The following GRM8 variants were observed in gnomAD, a reference collection of about 807,000 sequenced individuals.
The protein encoded by GRM8 is glutamate metabotropic receptor 8, also known as metabotropic glutamate receptor 8.
Under a neutral mutation model 87.2 loss-of-function variants are expected in GRM8, and 47 were observed. The observed-to-expected ratio is 0.54, with a 90% CI of 0.43 to 0.69. The LOEUF is 0.69. Ranked by LOEUF, GRM8 falls within the 30% of genes least tolerant of loss-of-function variation. The probability of loss-of-function intolerance (pLI) is 0.00; values close to 1 mark genes in which losing one functional copy is unlikely to be tolerated. For missense variants in GRM8, 1,019 were observed against 1,139.2 expected, an observed-to-expected ratio of 0.89 and a Z score of 1.52; for synonymous variants, 396 against 404.5, an observed-to-expected ratio of 0.98 and a Z score of 0.25.
intron 7 of GRM8, among the ~76,000 whole-genome samples, chr7:126,680,316 A>G (rs569105915): frequency 8.1e-4 from 123 of 152,338 alleles, no homozygotes; most frequent in Non-Finnish European, 1.5e-3. Flanking sequence ...TCAACCTTCA[A>G]TAAGAGTGTT....
chr7:126,981,391 A>C (rs1156773429), intron 3 of GRM8: 6 of 152,178 alleles, frequency 3.9e-5, no homozygotes, highest in African/African-American at 1.4e-4. Context: ...ATTTTTAAAT[A>C]ATTTATTTCT....
chr7:127,093,150 G>A (rs1824318548), intron 3 of GRM8, among the ~76,000 whole-genome samples: 2 of 152,260 alleles, frequency 1.3e-5, no homozygotes, highest in Admixed American at 1.3e-4. Flanking sequence ...TCTGTTCATG[G>A]CATCTCACTC....
chr7:126,734,179 C>T (rs1172477047), intron 7 of GRM8, among the ~76,000 whole-genome samples: 1 of 151,816 alleles, frequency 6.6e-6, no homozygotes, highest in Non-Finnish European at 1.5e-5. Context: ...GAGTTGAATA[C>T]AAAATGTACA....
chr7:126,707,769 G>A (rs765546694), intron 7 of GRM8, among the ~76,000 whole-genome samples: 47 of 152,204 alleles, frequency 3.1e-4, no homozygotes, highest in Non-Finnish European at 6.2e-4. Flanking sequence ...AGATCTAAAT[G>A]TAAGACTTGA....
intron 2 of GRM8, among the ~76,000 whole-genome samples, chr7:127,198,878 T>C (rs1795437424): frequency 6.6e-6 from 1 of 151,114 alleles, no homozygotes; most frequent in South Asian, 2.1e-4. Context: ...TTTGCCCTTG[T>C]TGCCCAGGCT....
chr7:127,201,756 G>T (rs1186932504), intron 2 of GRM8, among the ~76,000 whole-genome samples: 11 of 152,120 alleles, frequency 7.2e-5, no homozygotes, highest in Non-Finnish European at 1.5e-4. Flanking sequence ...TCTTCTCTGT[G>T]AGTACCAATA....
chr7:126,449,501 TAGGACAAAAGA>T (rs1195453574), intron 9 of GRM8, among the ~76,000 whole-genome samples: 2 of 152,014 alleles, frequency 1.3e-5, no homozygotes, highest in East Asian at 3.9e-4. Context: ...CCCAGGAGTA[TAGGACAAAAGA>T]AGGACCTATT....
At chr7:126,469,704 C>T (rs1337237156) in intron 9 of GRM8, among the ~76,000 whole-genome samples, 1 of 152,158 alleles carries the variant, frequency 6.6e-6, no homozygotes, top group Non-Finnish European at 1.5e-5. Context: ...CCGAGGCCCT[C>T]CCAGCCATAC....
intron 7 of GRM8, among the ~76,000 whole-genome samples, chr7:126,765,167 C>T (rs1818055747): frequency 6.6e-6 from 1 of 151,860 alleles, no homozygotes. Flanking sequence ...AATAGCTAAA[C>T]CCTGGAAATG....
chr7:127,242,420 T>C (rs1018569147), intron 2 of GRM8, among the ~76,000 whole-genome samples: 1 of 151,788 alleles, frequency 6.6e-6, no homozygotes, highest in African/African-American at 2.4e-5. Context: ...TATCCCAAGA[T>C]GACAAGGACC....
intron 7 of GRM8, among the ~76,000 whole-genome samples, chr7:126,737,561 G>T (rs1432849925): frequency 6.6e-6 from 1 of 151,952 alleles, no homozygotes; most frequent in East Asian, 1.9e-4. Flanking sequence ...TGTCTAGGCA[G>T]CGGGCAAGGT....
At chr7:126,735,059 C>T (rs1814043009) in intron 7 of GRM8, among the ~76,000 whole-genome samples, 1 of 152,068 alleles carries the variant, frequency 6.6e-6, no homozygotes, top group South Asian at 2.1e-4. Flanking sequence ...GACTGTTACA[C>T]ATTTCTAGGC....
chr7:126,829,216 G>T (rs1177910487), intron 6 of GRM8, among the ~76,000 whole-genome samples: 2 of 147,430 alleles, frequency 1.4e-5, no homozygotes, highest in Non-Finnish European at 3.0e-5. Flanking sequence ...TGTCTATTAG[G>T]TCTGCTTGGT....
chr7:127,036,682 G>C (rs1016038552), intron 3 of GRM8, among the ~76,000 whole-genome samples: 4 of 152,136 alleles, frequency 2.6e-5, no homozygotes, highest in Admixed American at 2.6e-4. Flanking sequence ...TTGACCATGG[G>C]TCCATGGCTA....
intron 6 of GRM8, among the ~76,000 whole-genome samples, chr7:126,821,411 G>A (rs1586073411): frequency 1.3e-5 from 2 of 152,100 alleles, no homozygotes; most frequent in African/African-American, 4.8e-5. Flanking sequence ...CCCCTGTCAT[G>A]TTTCCCTTTC....
intron 2 of GRM8, among the ~76,000 whole-genome samples, chr7:127,238,306 A>ATGTGTGTGTGTGTG (rs3039798): frequency 2.0e-5 from 3 of 146,766 alleles, no homozygotes; most frequent in Non-Finnish European, 4.5e-5. Context: ...GTGTGTGTGC[A>ATGTGTGTGTGTGTG]TGTGTGTGTG....
At chr7:126,488,745 T>G (rs920209389) in intron 9 of GRM8, among the ~76,000 whole-genome samples, 2 of 151,986 alleles carry the variant, frequency 1.3e-5, no homozygotes, top group Admixed American at 1.3e-4. Flanking sequence ...CCAAACTAGA[T>G]TGTCAGACTT....
intron 7 of GRM8, among the ~76,000 whole-genome samples, chr7:126,667,591 A>G (rs1311287812): frequency 2.0e-5 from 3 of 152,202 alleles, no homozygotes; most frequent in Non-Finnish European, 2.9e-5. Context: ...CTGACAATGG[A>G]CTTCCAAGAT....
Position 126,864,863 on chromosome 7 carries a change from T to TA in GRM8, c.1156+37678dup, listed in dbSNP as rs557124627. The stretch of plus-strand genomic sequence containing the variant: ...TGGTCTCTTCTGCTGGGACCCCATA[T>TA]ATGGTAGCAGTTACAGGCCAAGTTT... On this transcript the variant is annotated intron_variant, in intron 6 of 10. Coordinates refer to ENST00000339582, the MANE Select transcript of GRM8 (RefSeq NM_000845.3). Among the ~76,000 whole-genome samples, 1,124 of 152,250 alleles carry TA rather than the reference T, an allele frequency of 7.4e-3. 5 individuals are homozygous for TA. Among genetic ancestry groups the TA allele is most frequent in the African/African-American group, 0.025 (1,039 of 41,546 alleles).
Sources: allele counts gnomAD v4.1 joint callset (sites outside exome capture counted in the v4.1 genomes callset), GRCh38; gene constraint gnomAD v4.1.1; transcripts MANE v1.5; gene names NCBI Gene and HGNC (gene_info 2026-07-23, HGNC 2026-07-21).